ASXL1: variants seen among roughly 807,000 people sequenced by gnomAD.
ASXL1 encodes ASXL transcriptional regulator 1.
Under a neutral mutation model 89.1 loss-of-function variants are expected in ASXL1, and 65 were observed. That is an observed-to-expected ratio of 0.73 (90% CI 0.60 to 0.90). The LOEUF (loss-of-function observed/expected upper bound fraction) is 0.90, where lower values mean the gene tolerates loss of function less well. Among genes scored for constraint, ASXL1 ranks in the 40% least tolerant of loss-of-function variants. ASXL1 has a pLI of 0.00. For missense variants in ASXL1, 1,786 were observed against 1,942.9 expected (o/e 0.92, Z 1.52); for synonymous variants, 739 against 746.9 (o/e 0.99, Z 0.17).
intron 4 of ASXL1, among the ~76,000 whole-genome samples, chr20:32,423,427 G>T (rs1198390916): frequency 1.3e-5 from 2 of 151,826 alleles, no homozygotes; most frequent in Non-Finnish European, 1.5e-5. Context: ...ATTTAGTAGG[G>T]GGGGTTTCAT....
intron 6 of ASXL1, chr20:32,428,652 C>CTTT (rs35966674): frequency 0.034 from 4,948 of 146,810 alleles, 599 homozygotes; most frequent in Non-Finnish European, 0.043. Context: ...TTTGTTCATT[C>CTTT]TTTTTTTTTT....
At chr20:32,411,215 C>CTTTTTTT (rs71187118) in intron 4 of ASXL1, among the ~76,000 whole-genome samples, 2 of 53,394 alleles carry the variant, frequency 3.7e-5, no homozygotes, top group African/African-American at 7.8e-5. Context: ...TTTATGGATT[C>CTTTTTTT]TTTTTTTTTT....
intron 1 of ASXL1, among the ~76,000 whole-genome samples, chr20:32,365,442 G>C (rs2122802031): frequency 6.6e-6 from 1 of 152,226 alleles, no homozygotes; most frequent in East Asian, 1.9e-4. Flanking sequence ...ATTCAGGGTG[G>C]TATGGCTGTA....
At chr20:32,399,508 T>C (rs922901959) in intron 4 of ASXL1, among the ~76,000 whole-genome samples, 1 of 151,620 alleles carries the variant, frequency 6.6e-6, no homozygotes, top group African/African-American at 2.4e-5. Context: ...ATTTTTTTTT[T>C]TTTTGGCCAT....
chr20:32,430,684 G>T (rs2123230479), intron 8 of ASXL1: 1 of 233,268 alleles, frequency 4.3e-6, no homozygotes, highest in East Asian at 6.3e-5. Context: ...TTGCTTCTGA[G>T]AATTAGAGTA....
intron 4 of ASXL1, 170 bp from the exon 5 acceptor site, chr20:32,427,958 T>C: frequency 1.1e-6 from 1 of 898,452 alleles, no homozygotes; most frequent in Non-Finnish European, 1.7e-6. Context: ...ACTTTCTTAA[T>C]GATATATTTA....
rs1243598476 is a variant in ASXL1, at chr20:32,431,597, C to T, written c.897C>T (p.Gly299=). 6.2e-7 allele frequency: 1 copy of T among 1,613,954 alleles called. No homozygotes were observed. The highest frequency in any genetic ancestry group is 1.1e-5 in the South Asian group (1 of 91,072). The change falls in exon 10 of 13, where the codon GGC becomes GGT. Residue 299 remains glycine (G), a synonymous_variant. Transcript: ENST00000375687. ...GATCCTTCTAGGTGGGGACGGATGG[C>T]CTGTTGCGTCTCAGCAGCAGTGCAC... The part of the protein sequence containing the change: ...PEVDRQVGTD[G]LLRLSSSALN...
intron 4 of ASXL1, among the ~76,000 whole-genome samples, chr20:32,402,057 A>T (rs2048884437): frequency 6.6e-6 from 1 of 152,266 alleles, no homozygotes; most frequent in Non-Finnish European, 1.5e-5. Context: ...CTGTAAATAG[A>T]ATCATATAAT....
chr20:32,422,855 G>A (rs2011179738), intron 4 of ASXL1, among the ~76,000 whole-genome samples: 1 of 152,026 alleles, frequency 6.6e-6, no homozygotes, highest in Non-Finnish European at 1.5e-5. Flanking sequence ...AAAGTGCTGG[G>A]ATTGCAGGCA....
chr20:32,435,329 C>T lies in ASXL1; in HGVS notation c.2617C>T (p.Pro873Ser), dbSNP rs932939917. The stretch of plus-strand genomic sequence containing the variant: ...CGAATTAGGGCTTGGTGGCTCATGC[C>T]CTCCTATGAGGGAAAGTGATACTAG... ...DDELGLGGSC[P>S]PMRESDTRQE... The change falls in exon 13 of 13, where the codon CCT becomes TCT. Residue 873 changes from proline to serine, a missense_variant. Pro to Ser is a moderately conservative substitution (Grantham distance 74). Coordinates refer to ENST00000375687, the MANE Select transcript of ASXL1 (RefSeq NM_015338.6). 1.3e-5 allele frequency: 21 copies of T among 1,614,146 alleles called. No homozygotes were observed. The highest frequency in any genetic ancestry group is 1.7e-5 in the Non-Finnish European group (20 of 1,180,020).
intron 2 of ASXL1, 51 bp from the exon 3 acceptor site, chr20:32,367,676 A>G (rs898839537): frequency 2.6e-6 from 2 of 780,318 alleles, no homozygotes; most frequent in Admixed American, 1.7e-5. Flanking sequence ...TTTATGGGCT[A>G]TTTCCCATCA....
At chr20:32,376,267 A>G (rs1426290516) in intron 4 of ASXL1, among the ~76,000 whole-genome samples, 2 of 150,662 alleles carry the variant, frequency 1.3e-5, no homozygotes, top group Non-Finnish European at 3.0e-5. Flanking sequence ...TTTTAATTTT[A>G]TTTTGTGTTG....
chr20:32,434,811 A>G lies in ASXL1; in HGVS notation c.2099A>G (p.Tyr700Cys), dbSNP rs1266159630. Residue 700 changes from tyrosine to cysteine, a missense_variant, in exon 13 of 13, where the codon TAT (tyrosine) becomes TGT (cysteine). Tyr to Cys is a radical substitution (Grantham distance 194). Coordinates refer to ENST00000375687, the MANE Select transcript of ASXL1 (RefSeq NM_015338.6). The stretch of plus-strand genomic sequence containing the variant: ...CAGCGAACACAACTACTGCCGCCTT[A>G]TCCTCTAAATGGGGAGCATACCCAG... ...DLQRTQLLPPYPLNGEHTQAG... is the reference protein window; with the variant it reads ...DLQRTQLLPPCPLNGEHTQAG... 10 of 1,613,946 alleles carry G rather than the reference A, an allele frequency of 6.2e-6. No individual in the cohort carries two copies. Among genetic ancestry groups the G allele is most frequent in the East Asian group, 4.5e-5 (2 of 44,894 alleles).
chr20:32,385,586 T>G (rs1426400513), intron 4 of ASXL1, among the ~76,000 whole-genome samples: 1 of 152,212 alleles, frequency 6.6e-6, no homozygotes, highest in African/African-American at 2.4e-5. Context: ...CTTTGGAAAG[T>G]TATCTGTCCT....
intron 4 of ASXL1, among the ~76,000 whole-genome samples, chr20:32,378,480 C>G (rs1325881946): frequency 6.6e-6 from 1 of 152,144 alleles, no homozygotes; most frequent in African/African-American, 2.4e-5. Flanking sequence ...TTTACAGATG[C>G]TTGCATCAGT....
chr20:32,430,342 A>C (rs535097885), intron 8 of ASXL1: 8 of 364,602 alleles, frequency 2.2e-5, no homozygotes, highest in African/African-American at 1.2e-4. Context: ...GAGTGAGTGA[A>C]AACTGCTTCT....
At chr20:32,359,553 C>T in intron 1 of ASXL1, 1 of 652,076 alleles carries the variant, frequency 1.5e-6, no homozygotes, top group Non-Finnish European at 2.8e-6. Flanking sequence ...ACGGACCCCA[C>T]TTTGAGAAAC....
At position 32,432,974 on chromosome 20, in the gene ASXL1, C is replaced by T. The variant is rs753931416; in HGVS notation, c.1074C>T (p.Tyr358=). Residue 358 remains tyrosine (Y), a synonymous_variant, in exon 11 of 13, where the codon TAC becomes TAT. Coordinates refer to ENST00000375687, the MANE Select transcript of ASXL1 (RefSeq NM_015338.6). The stretch of plus-strand genomic sequence containing the variant: ...GGAAAGAAAAGTTCTTTGAAGACTA[C>T]TATGGACAGAAGTAAGGCAGTTGGA... ...EQWKEKFFED[Y]YGQKLGLTKE... 7 of 1,613,864 alleles carry T rather than the reference C, an allele frequency of 4.3e-6. No homozygotes were observed. The highest frequency in any genetic ancestry group is 5.9e-6 in the Non-Finnish European group (7 of 1,180,022).
chr20:32,433,985 G>GC, intron 12 of ASXL1, 68 bp downstream of exon 12: 1 of 1,590,000 alleles, frequency 6.3e-7, no homozygotes, highest in Non-Finnish European at 8.6e-7. Context: ...AGATTATAGA[G>GC]CCCTTAACTC....
Sources: allele counts gnomAD v4.1 joint callset (sites outside exome capture counted in the v4.1 genomes callset), GRCh38; gene constraint gnomAD v4.1.1; transcripts MANE v1.5; gene names NCBI Gene and HGNC (gene_info 2026-07-23, HGNC 2026-07-21).